Variants in CSMD1 observed in about 807,000 individuals in gnomAD.
The protein encoded by CSMD1 is CUB and sushi domain-containing protein 1.
A neutral mutation model predicts 417.5 loss-of-function variants in CSMD1; 213 were observed. That is an observed-to-expected ratio of 0.51 (90% CI 0.46 to 0.57). The LOEUF (loss-of-function observed/expected upper bound fraction) is 0.57, where lower values mean the gene tolerates loss of function less well. Among genes scored for constraint, CSMD1 ranks in the 20% least tolerant of loss-of-function variants. CSMD1 has a pLI of 0.00. For missense variants in CSMD1, 6,923 were observed against 4,529.7 expected, an observed-to-expected ratio of 1.53 and a Z score of -15.17; for synonymous variants, 2,862 against 1,736.8, an observed-to-expected ratio of 1.65 and a Z score of -16.11.
intron 3 of CSMD1, among the ~76,000 whole-genome samples, chr8:4,162,920 C>A (rs576387354): frequency 6.6e-6 from 1 of 152,176 alleles, no homozygotes; most frequent in Non-Finnish European, 1.5e-5. Flanking sequence ...CCCTTTGCAA[C>A]CACTGGTCTT....
At chr8:4,263,222 G>C (rs550326077) in intron 3 of CSMD1, among the ~76,000 whole-genome samples, 1 of 152,046 alleles carries the variant, frequency 6.6e-6, no homozygotes, top group East Asian at 1.9e-4. Context: ...CTAAAGGCTA[G>C]GCTGTTGGGT....
intron 7 of CSMD1, among the ~76,000 whole-genome samples, chr8:3,677,042 T>C (rs774924423): frequency 6.6e-6 from 1 of 151,892 alleles, no homozygotes; most frequent in Non-Finnish European, 1.5e-5. Flanking sequence ...TTAGAACAAA[T>C]ACCTAATGCA....
chr8:4,320,926 C>G (rs1250780801), intron 3 of CSMD1, among the ~76,000 whole-genome samples: 3 of 152,096 alleles, frequency 2.0e-5, no homozygotes, highest in Admixed American at 6.5e-5. Flanking sequence ...TTCTTTGTAT[C>G]CTCTCCTCCC....
At chr8:3,713,209 T>G (rs1322454586) in intron 6 of CSMD1, among the ~76,000 whole-genome samples, 1 of 152,172 alleles carries the variant, frequency 6.6e-6, no homozygotes, top group Non-Finnish European at 1.5e-5. Context: ...TGTTGTGTCA[T>G]TTACTTTAGT....
At chr8:4,281,230 T>C (rs1382104859) in intron 3 of CSMD1, among the ~76,000 whole-genome samples, 1 of 152,176 alleles carries the variant, frequency 6.6e-6, no homozygotes, top group Non-Finnish European at 1.5e-5. Flanking sequence ...TTTGCTACCT[T>C]AAGTATGATC....
chr8:3,592,636 T>C (rs1475008248), intron 8 of CSMD1, among the ~76,000 whole-genome samples: 1 of 152,040 alleles, frequency 6.6e-6, no homozygotes. Flanking sequence ...GGGTGAATGC[T>C]GAAGGGTCTA....
At chr8:4,421,393 G>A (rs1336118758) in intron 2 of CSMD1, among the ~76,000 whole-genome samples, 1 of 151,952 alleles carries the variant, frequency 6.6e-6, no homozygotes, top group Non-Finnish European at 1.5e-5. Context: ...TTTCTTTCAG[G>A]TGCCCACAGA....
intron 52 of CSMD1, among the ~76,000 whole-genome samples, chr8:3,007,929 GA>G (rs573373204): frequency 3.3e-5 from 5 of 150,766 alleles, no homozygotes; most frequent in East Asian, 1.9e-4. Context: ...AATAATAAAA[GA>G]AAAAAAACTT....
At chr8:3,283,708 G>A (rs763495050) in intron 26 of CSMD1, among the ~76,000 whole-genome samples, 4 of 152,126 alleles carry the variant, frequency 2.6e-5, no homozygotes, top group Non-Finnish European at 4.4e-5. Context: ...AGGATGCAGA[G>A]GAAAGGAATG....
intron 3 of CSMD1, among the ~76,000 whole-genome samples, chr8:4,410,953 G>C (rs1056260182): frequency 6.6e-6 from 1 of 152,120 alleles, no homozygotes; most frequent in African/African-American, 2.4e-5. Context: ...AGTGGGACTA[G>C]GTTAGTTATT....
chr8:3,447,524 T>C (rs974538159), intron 12 of CSMD1, among the ~76,000 whole-genome samples: 1 of 152,154 alleles, frequency 6.6e-6, no homozygotes, highest in Non-Finnish European at 1.5e-5. Context: ...TTTGTGCGGC[T>C]GGTGTGGGAC....
At chr8:3,850,975 G>C (rs1356857699) in intron 5 of CSMD1, among the ~76,000 whole-genome samples, 2 of 152,296 alleles carry the variant, frequency 1.3e-5, no homozygotes, top group South Asian at 2.1e-4. Context: ...TAACAGATGA[G>C]TATAATAAGT....
intron 3 of CSMD1, among the ~76,000 whole-genome samples, chr8:4,396,286 ACAT>A (rs773642207): frequency 6.5e-4 from 97 of 148,552 alleles, no homozygotes; most frequent in Non-Finnish European, 1.2e-3. Context: ...ATACAGTGAG[ACAT>A]CATCTCTTAA....
At chr8:4,090,705 T>C (rs1181622734) in intron 3 of CSMD1, among the ~76,000 whole-genome samples, 1 of 152,188 alleles carries the variant, frequency 6.6e-6, no homozygotes, top group Non-Finnish European at 1.5e-5. Context: ...TAGGTTCTAG[T>C]GGAGTTTTAA....
chr8:4,289,731 G>C (rs1225675458), intron 3 of CSMD1, among the ~76,000 whole-genome samples: 2 of 152,094 alleles, frequency 1.3e-5, no homozygotes, highest in Non-Finnish European at 2.9e-5. Context: ...TTTGCTACTG[G>C]GTAATGCATT....
At chr8:4,424,577 T>C (rs763992374) in intron 2 of CSMD1, among the ~76,000 whole-genome samples, 4 of 151,766 alleles carry the variant, frequency 2.6e-5, no homozygotes, top group Admixed American at 6.6e-5. Flanking sequence ...GTGGAGAAAA[T>C]TGGTTGCTCT....
chr8:4,386,624 C>G (rs186994065), intron 3 of CSMD1, among the ~76,000 whole-genome samples: 1 of 152,126 alleles, frequency 6.6e-6, no homozygotes, highest in African/African-American at 2.4e-5. Flanking sequence ...TCAGAGAGAC[C>G]CTGGCAAGCC....
intron 5 of CSMD1, among the ~76,000 whole-genome samples, chr8:3,886,707 G>T (rs1806587371): frequency 6.6e-6 from 1 of 152,164 alleles, no homozygotes; most frequent in Non-Finnish European, 1.5e-5. Context: ...ACTTATGGAA[G>T]TCTTAATCTA....
chr8:3,610,906 T>C lies in CSMD1; in HGVS notation c.1097+5804A>G, dbSNP rs369743238. ...TTTTCCATTGACAGTGCAGAAACAA[T>C]GATGGGAAAAACTGATGGCGATTTC... On this transcript the variant is annotated intron_variant, in intron 8 of 69. Transcript: ENST00000635120. 1.0e-3 allele frequency among the ~76,000 whole-genome samples: 159 copies of C among 151,698 alleles called. 1 individual carries two copies. Among genetic ancestry groups the C allele is most frequent in the African/African-American group, 3.7e-3 (154 of 41,328 alleles).
Sources: allele counts gnomAD v4.1 joint callset (sites outside exome capture counted in the v4.1 genomes callset), GRCh38; gene constraint gnomAD v4.1.1; transcripts MANE v1.5; gene names NCBI Gene and HGNC (gene_info 2026-07-23, HGNC 2026-07-21).